The following ADARB1 variants were observed in gnomAD, a reference collection of about 807,000 sequenced individuals.
ADARB1 encodes double-stranded RNA-specific editase 1.
In ADARB1, 10 loss-of-function variants were observed where a neutral mutation model predicts 52.4. The observed-to-expected ratio is 0.19, with a 90% CI of 0.12 to 0.32. The LOEUF is 0.32. Among genes scored for constraint, ADARB1 ranks in the 10% least tolerant of loss-of-function variants. The pLI is 1.00. For missense variants in ADARB1, 643 were observed against 922.3 expected, an observed-to-expected ratio of 0.70 and a Z score of 3.92; for synonymous variants, 349 against 371.1, an observed-to-expected ratio of 0.94 and a Z score of 0.68.
chr21:45,184,778 G>A (rs1294457281), intron 7 of ADARB1, 145 bp from the exon 8 acceptor site: 3 of 930,432 alleles, frequency 3.2e-6, no homozygotes, highest in Non-Finnish European at 4.9e-6. Flanking sequence ...TATTTTGTAT[G>A]TGTATTTTGT....
chr21:45,176,555 A>G lies in ADARB1; in HGVS notation c.854A>G (p.Lys285Arg), dbSNP rs2091703287. ...EGSGRNKKLA[K>R]ARAAQSALAA... is the part of the protein sequence containing the mutation. ...TCGGGGAGAAACAAGAAGCTTGCCAAGGCCCGGGCTGCGCAGTCTGCCCTG... is the reference window on the plus strand; with the variant it reads ...TCGGGGAGAAACAAGAAGCTTGCCAGGGCCCGGGCTGCGCAGTCTGCCCTG... Residue 285 changes from lysine to arginine, a missense_variant, in exon 4 of 11, where the codon AAG becomes AGG. Coordinates refer to ENST00000348831, the MANE Select transcript of ADARB1 (RefSeq NM_001112.4). This position sits in a 1 kb window ranked among gnomAD's most constrained non-coding sequence, Gnocchi z 5.8. 6.2e-7 allele frequency: 1 copy of G among 1,614,214 alleles called. No homozygotes were observed. The highest frequency in any genetic ancestry group is 2.2e-5 in the East Asian group (1 of 44,888).
intron 8 of ADARB1, among the ~76,000 whole-genome samples, chr21:45,195,081 G>A (rs963742812): frequency 1.3e-5 from 2 of 152,330 alleles, no homozygotes; most frequent in African/African-American, 4.8e-5. Flanking sequence ...AGTGTTGTCA[G>A]CAGTTCTGGT....
chr21:45,144,826 C>A, intron 2 of ADARB1: 1 of 252,456 alleles, frequency 4.0e-6, no homozygotes. Context: ...CTTGTCCTGT[C>A]ATGCCGGGAG....
Position 45,128,756 on chromosome 21 carries a change from AT to A in ADARB1, c.-48+184del, listed in dbSNP as rs2088751374. 6.6e-6 allele frequency among the ~76,000 whole-genome samples: 1 copy of A among 152,152 alleles called. No homozygotes were observed. The highest frequency in any genetic ancestry group is 1.5e-5 in the Non-Finnish European group (1 of 68,030). ...ATCTTACTGCAGCCTTAGCTCACCC[AT>A]GAGTCCCTCCTGCTTGTTCTGGGGT... On this transcript the variant is annotated intron_variant, in intron 2 of 10. Coordinates refer to ENST00000348831, the MANE Select transcript of ADARB1 (RefSeq NM_001112.4). This position sits in a 1 kb window ranked among gnomAD's most constrained non-coding sequence, Gnocchi z 4.6.
At chr21:45,166,534 A>G (rs2091261445) in intron 2 of ADARB1, among the ~76,000 whole-genome samples, 1 of 152,212 alleles carries the variant, frequency 6.6e-6, no homozygotes, top group Admixed American at 6.5e-5. Context: ...TTTTTCTTCC[A>G]TCACATTGAC....
chr21:45,114,419 G>A (rs1469334381), intron 1 of ADARB1, among the ~76,000 whole-genome samples: 2 of 152,176 alleles, frequency 1.3e-5, no homozygotes, highest in Non-Finnish European at 2.9e-5. Flanking sequence ...AAGCCTTGAT[G>A]CTCAGGCCCA....
chr21:45,126,611 T>G (rs1303976730), intron 1 of ADARB1, among the ~76,000 whole-genome samples: 2 of 152,176 alleles, frequency 1.3e-5, no homozygotes, highest in Non-Finnish European at 2.9e-5. Flanking sequence ...GAGTCACTGT[T>G]CAAGTCACAC....
At chr21:45,140,700 TC>T (rs1323140062) in intron 2 of ADARB1, among the ~76,000 whole-genome samples, 1 of 152,210 alleles carries the variant, frequency 6.6e-6, no homozygotes, top group African/African-American at 2.4e-5. Context: ...AGCTTTCTGT[TC>T]CCTGGCTTCA....
chr21:45,098,064 C>G (rs1461750131), intron 1 of ADARB1, among the ~76,000 whole-genome samples: 1 of 152,230 alleles, frequency 6.6e-6, no homozygotes, highest in Non-Finnish European at 1.5e-5. Context: ...CACCGTCACA[C>G]CCAGTCCCCT....
chr21:45,147,194 T>A (rs2090051673), intron 2 of ADARB1, among the ~76,000 whole-genome samples: 1 of 152,228 alleles, frequency 6.6e-6, no homozygotes, highest in South Asian at 2.1e-4. Flanking sequence ...ACTTGTTTGA[T>A]GCATGGCAAG....
intron 2 of ADARB1, among the ~76,000 whole-genome samples, chr21:45,131,996 A>G (rs563832906): frequency 4.6e-5 from 7 of 152,376 alleles, no homozygotes; most frequent in South Asian, 2.1e-4. Flanking sequence ...AATGAAGCAC[A>G]TTATTGTAAG....
Position 45,191,126 on chromosome 21 carries a change from G to C in ADARB1, c.1565+6035G>C, listed in dbSNP as rs145553953. On this transcript the variant is annotated intron_variant, in intron 8 of 10. Coordinates refer to ENST00000348831, the MANE Select transcript of ADARB1 (RefSeq NM_001112.4). ...CTGTAGCTTCCTAGACTGCCATCTT[G>C]TTGAAGTCGTAGTCCAAACACCATT... 2.6e-4 allele frequency among the ~76,000 whole-genome samples: 40 copies of C among 152,282 alleles called. No individual in the cohort carries two copies. The East Asian group carries it at 7.1e-3, about 27-fold the overall frequency.
chr21:45,111,641 T>C (rs2087540156), intron 1 of ADARB1, among the ~76,000 whole-genome samples: 1 of 152,218 alleles, frequency 6.6e-6, no homozygotes, highest in Non-Finnish European at 1.5e-5. Flanking sequence ...AGTCAAAGGA[T>C]GTGTTTTTGT....
At chr21:45,183,127 T>C (rs2091985277) in intron 6 of ADARB1, among the ~76,000 whole-genome samples, 1 of 152,226 alleles carries the variant, frequency 6.6e-6, no homozygotes, top group African/African-American at 2.4e-5. Flanking sequence ...ATTTTTTGTA[T>C]GTGGTCTTTC....
At chr21:45,078,129 C>T (rs35935604) in intron 1 of ADARB1, among the ~76,000 whole-genome samples, 9,391 of 152,054 alleles carry the variant, frequency 0.062, 320 homozygotes, top group Middle Eastern at 0.099. Context: ...ATGTCCTAGG[C>T]GTACACAAAG....
At chr21:45,212,336 G>GCCGC (rs2146404901) in intron 9 of ADARB1, among the ~76,000 whole-genome samples, 2 of 152,284 alleles carry the variant, frequency 1.3e-5, no homozygotes, top group African/African-American at 4.8e-5. Flanking sequence ...TCCTGGGGCT[G>GCCGC]CCGCCTCTAC....
Position 45,183,345 on chromosome 21 carries a change from A to C in ADARB1, c.1248-17A>C. On this transcript the variant is annotated splice_polypyrimidine_tract_variant and intron_variant, in intron 6 of 10. Coordinates refer to ENST00000348831, the MANE Select transcript of ADARB1 (RefSeq NM_001112.4). ...ATACAGCTTTAAATGTTACTTTTGC[A>C]ACTTTTTTCCTTTCAGTAACAAAGA... The C allele has an allele frequency of 6.3e-7, 1 of 1,591,940 alleles. No homozygotes were observed. The highest frequency in any genetic ancestry group is 8.5e-7 in the Non-Finnish European group (1 of 1,173,248).
At chr21:45,196,501 A>G (rs2092429361) in intron 8 of ADARB1, among the ~76,000 whole-genome samples, 2 of 152,254 alleles carry the variant, frequency 1.3e-5, no homozygotes, top group South Asian at 4.1e-4. Flanking sequence ...AAACTGTCAA[A>G]GTTTAAAAAT....
At chr21:45,178,451 G>A (rs1169077035) in intron 4 of ADARB1, among the ~76,000 whole-genome samples, 5 of 152,236 alleles carry the variant, frequency 3.3e-5, no homozygotes, top group African/African-American at 9.6e-5. Flanking sequence ...GCTGCACTTC[G>A]AGTCTCTGCC....
Sources: gnomAD v4.1 joint callset for allele counts (sites outside exome capture counted in the v4.1 genomes callset) on GRCh38, gnomAD v4.1.1 for gene constraint, Gnocchi (gnomAD v3.1) non-coding constraint, MANE v1.5 for transcripts, NCBI Gene and HGNC (gene_info 2026-07-23, HGNC 2026-07-21) for gene names.